Variants in NANOGNB observed in about 807,000 individuals in gnomAD.
NANOGNB encodes homeobox C14.
NANOGNB carries 30 observed loss-of-function variants against 25.0 expected under a neutral mutation model. The observed-to-expected ratio is 1.20, with a 90% CI of 0.90 to 1.63. The LOEUF is 1.63. NANOGNB is among the 40% of genes most tolerant of loss of function. The pLI is 0.00. For synonymous variants in NANOGNB, 84 were observed against 62.1 expected, an observed-to-expected ratio of 1.35 and a Z score of -1.66; for missense variants, 200 against 188.1, an observed-to-expected ratio of 1.06 and a Z score of -0.37.
chr12:7,773,929 C>G lies in NANOGNB; in HGVS notation c.*78C>G. ...ACTGGCTAAGACATTTTACATGACA[C>G]CATTCTCACCAATAAATGGAGTTCT... On this transcript the variant is annotated 3_prime_UTR_variant, in exon 4 of 4. Transcript: ENST00000382119. 1.8e-6 allele frequency: 1 copy of G among 550,528 alleles called. No homozygotes were observed. The highest frequency in any genetic ancestry group is 2.4e-5 in the South Asian group (1 of 41,578). 34.1% of individuals were successfully genotyped at this position (550,528 alleles called of 1,614,324 possible).
chr12:7,772,233 A>G (rs1412439509), intron 3 of NANOGNB, among the ~76,000 whole-genome samples: 1 of 152,174 alleles, frequency 6.6e-6, no homozygotes, highest in East Asian at 1.9e-4. Flanking sequence ...TGGGCTTGCC[A>G]CAGGGAAAGA....
At position 7,770,460 on chromosome 12, in the gene NANOGNB, A is replaced by C. The variant is rs968445530; in HGVS notation, c.457A>C (p.Thr153Pro). ...HKQISQWFCK[T>P]RKKYNKEMSK... is the part of the protein sequence containing the mutation. ...GTAGATAAGTCAATGGTTTTGTAAAACGAGGAAGAAATATAATAAAGAAAT... is the reference window on the plus strand; with the variant it reads ...GTAGATAAGTCAATGGTTTTGTAAACCGAGGAAGAAATATAATAAAGAAAT... The change falls in exon 3 of 4, where the codon ACG becomes CCG. Residue 153 changes from threonine (T) to proline (P), a missense_variant. Thr to Pro is a conservative substitution (Grantham distance 38). Coordinates refer to ENST00000382119, the MANE Select transcript of NANOGNB (RefSeq NM_001145465.1). 23 of 1,535,320 alleles carry C rather than the reference A, an allele frequency of 1.5e-5. No homozygotes were observed. Among genetic ancestry groups the C allele is most frequent in the Non-Finnish European group, 1.7e-5 (19 of 1,133,996 alleles).
intron 1 of NANOGNB, among the ~76,000 whole-genome samples, chr12:7,769,716 C>T (rs1482148920): frequency 4.0e-5 from 6 of 151,804 alleles, no homozygotes; most frequent in African/African-American, 1.2e-4. Context: ...TTAGTAGAGA[C>T]GGGGTTTCAC....
chr12:7,772,002 C>G (rs1048351960), intron 3 of NANOGNB, among the ~76,000 whole-genome samples: 4 of 152,218 alleles, frequency 2.6e-5, no homozygotes, highest in African/African-American at 7.2e-5. Context: ...TTACCAACAC[C>G]GAGGGAATGA....
chr12:7,770,116 A>G lies in NANOGNB; in HGVS notation c.236A>G (p.Glu79Gly), dbSNP rs1865278600. The G allele has an allele frequency of 5.8e-6, 9 of 1,543,826 alleles. No individual in the cohort carries two copies. Among genetic ancestry groups the G allele is most frequent in the Middle Eastern group, 1.7e-4 (1 of 5,872 alleles). ...AGAAAGAGAGAACGAGAAAAAGAAG[A>G]AAAAAACGAAAAGGAGCTGCAAGAT... Reference protein sequence around the residue: ...AGRKREREKEEKNEKELQDEQ... With the variant: ...AGRKREREKEGKNEKELQDEQ... Residue 79 changes from glutamate (E) to glycine (G), a missense_variant, in exon 2 of 4, where the codon GAA (glutamate) becomes GGA (glycine). Physicochemically the swap from Glu to Gly is moderately conservative, Grantham distance 98. Coordinates refer to ENST00000382119, the MANE Select transcript of NANOGNB (RefSeq NM_001145465.1).
At chr12:7,772,909 C>T (rs1396939031) in intron 3 of NANOGNB, among the ~76,000 whole-genome samples, 1 of 151,966 alleles carries the variant, frequency 6.6e-6, no homozygotes, top group East Asian at 1.9e-4. Context: ...AGGAAGTATT[C>T]CAGGCCCAGG....
intron 3 of NANOGNB, among the ~76,000 whole-genome samples, chr12:7,772,189 A>G (rs1862574218): frequency 1.3e-5 from 2 of 152,222 alleles, no homozygotes; most frequent in African/African-American, 4.8e-5. Flanking sequence ...CAGCCAGTGC[A>G]GGGAAATTGG....
intron 1 of NANOGNB, chr12:7,765,984 T>C (rs1156771919): frequency 5.1e-6 from 2 of 395,228 alleles, no homozygotes; most frequent in Non-Finnish European, 8.9e-6. Flanking sequence ...GGATTTAACC[T>C]TGAGTGTGAT....
chr12:7,766,263 G>C lies in NANOGNB; in HGVS notation c.102+876G>C, dbSNP rs1042399212. The C allele has an allele frequency of 1.0e-5, 4 of 397,570 alleles. No homozygotes were observed. The East Asian group carries it at 1.1e-4, about 11-fold the overall frequency. The allele number at this position is 397,570 out of a possible 1,614,324, so 24.6% of individuals were successfully genotyped here. A position where few individuals can be genotyped will look rare whatever the true frequency, so the allele number is the denominator to read the frequency against. ...AGCGGGGCAGATCGCTTGAGCTCAGGAGTTGAAGACCATCCTGGCCAAGAT... is the reference window on the plus strand; with the variant it reads ...AGCGGGGCAGATCGCTTGAGCTCAGCAGTTGAAGACCATCCTGGCCAAGAT... On this transcript the variant is annotated intron_variant, in intron 1 of 3. Transcript: ENST00000382119.
Position 7,766,012 on chromosome 12 carries a change from A to G in NANOGNB, c.102+625A>G, listed in dbSNP as rs112722292. The G allele has an allele frequency of 1.3e-3, 498 of 397,138 alleles. 2 individuals carry two copies. The highest frequency in any genetic ancestry group is 8.7e-3 in the African/African-American group (426 of 48,726). The allele number at this position is 397,138 out of a possible 1,614,324, so 24.6% of individuals were successfully genotyped here. A position where few individuals can be genotyped will look rare whatever the true frequency, so the allele number is the denominator to read the frequency against. ...AGTGTGATTGAAAAAGCACAGGGACAGAAATCAGTAGGGGAAAGAGGAGCA... is the reference window on the plus strand; with the variant it reads ...AGTGTGATTGAAAAAGCACAGGGACGGAAATCAGTAGGGGAAAGAGGAGCA... On this transcript the variant is annotated intron_variant, in intron 1 of 3. Transcript: ENST00000382119.
intron 3 of NANOGNB, among the ~76,000 whole-genome samples, chr12:7,770,731 G>A (rs1330937536): frequency 1.3e-5 from 2 of 152,106 alleles, no homozygotes; most frequent in Admixed American, 6.6e-5. Context: ...TCCTGCCTCA[G>A]CCTCCCAAGT....
At position 7,773,832 on chromosome 12, in the gene NANOGNB, G is replaced by A. The variant is rs538087276; in HGVS notation, c.548G>A (p.Arg183Gln). The A allele has an allele frequency of 1.1e-4, 70 of 612,458 alleles. No homozygotes were observed. The highest frequency in any genetic ancestry group is 1.7e-4 in the Non-Finnish European group (60 of 350,862). 37.9% of individuals were successfully genotyped at this position (612,458 alleles called of 1,614,324 possible). ...TCTCTGTGTTGCCAAGGCTGGTCTC[G>A]AACTCCTGCCCTCAAGTGATCTTCC... ...WRSLCCQGWS[R>Q]TPALK Residue 183 changes from arginine to glutamine, a missense_variant, in exon 4 of 4, where the codon CGA (arginine) becomes CAA (glutamine). Physicochemically the swap from Arg to Gln is conservative, Grantham distance 43 (BLOSUM62 1). Transcript: ENST00000382119.
chr12:7,768,314 T>C (rs918302619), intron 1 of NANOGNB, among the ~76,000 whole-genome samples: 3 of 152,156 alleles, frequency 2.0e-5, no homozygotes, highest in Non-Finnish European at 4.4e-5. Context: ...ATCGTTTTAC[T>C]GTGTTGCTGG....
rs1431929620 is a variant in NANOGNB, at chr12:7,769,991, A to T, written c.111A>T (p.Ser37=). ...CGGATCTTTTTATACAGAAACAATC[A>T]GCTATGCCTTGGGATCAAGATCCAG... ...IETILANKKQ[S]AMPWDQDPEQ... is the part of the protein sequence containing the mutation. The change falls in exon 2 of 4, where the codon TCA becomes TCT. Residue 37 remains serine (S), a synonymous_variant. Transcript: ENST00000382119. The T allele has an allele frequency of 6.6e-7, 1 of 1,505,008 alleles. No individual in the cohort carries two copies. The highest frequency in any genetic ancestry group is 1.4e-5 in the African/African-American group (1 of 70,442). 93.2% of individuals were successfully genotyped at this position (1,505,008 alleles called of 1,614,324 possible). A position where few individuals can be genotyped will look rare whatever the true frequency, so the allele number is the denominator to read the frequency against.
Position 7,774,052 on chromosome 12 carries a change from C to G in NANOGNB, c.*201C>G. ...AGTTTTTATGTGTTTTATTTTTACCCTACTGTAGATTTAAAGTTTTTATAA... is the reference window on the plus strand; with the variant it reads ...AGTTTTTATGTGTTTTATTTTTACCGTACTGTAGATTTAAAGTTTTTATAA... On this transcript the variant is annotated 3_prime_UTR_variant, in exon 4 of 4. Coordinates refer to ENST00000382119, the MANE Select transcript of NANOGNB (RefSeq NM_001145465.1). The G allele has an allele frequency of 2.6e-6, 1 of 389,324 alleles. No individual in the cohort carries two copies. Among genetic ancestry groups the G allele is most frequent in the Non-Finnish European group, 4.5e-6 (1 of 221,662 alleles). The allele number at this position is 389,324 out of a possible 1,614,324, so 24.1% of individuals were successfully genotyped here.
intron 3 of NANOGNB, among the ~76,000 whole-genome samples, 195 bp downstream of exon 3, chr12:7,770,713 A>T (rs1865285651): frequency 6.6e-6 from 1 of 151,936 alleles, no homozygotes; most frequent in African/African-American, 2.4e-5. Flanking sequence ...CCCAGGTTCA[A>T]GCCATTCTCC....
intron 3 of NANOGNB, 22 bp from the exon 4 acceptor site, chr12:7,773,778 T>A: frequency 1.6e-6 from 1 of 632,702 alleles, no homozygotes; most frequent in African/African-American, 2.1e-5. Context: ...AAACTCTTTT[T>A]TTTTTTTTTT....
chr12:7,772,145 A>G (rs1220441178), intron 3 of NANOGNB, among the ~76,000 whole-genome samples: 1 of 152,190 alleles, frequency 6.6e-6, no homozygotes, highest in Non-Finnish European at 1.5e-5. Context: ...GGGTGGAGCA[A>G]TGCTTTACTT....
intron 3 of NANOGNB, 111 bp from the exon 4 acceptor site, chr12:7,773,689 C>A: frequency 2.2e-6 from 1 of 455,558 alleles, no homozygotes; most frequent in South Asian, 3.9e-5. Context: ...TGTGCCATTG[C>A]ACTCCAGCTT....
Sources: gnomAD v4.1 joint callset for allele counts (sites outside exome capture counted in the v4.1 genomes callset) on GRCh38, gnomAD v4.1.1 for gene constraint, MANE v1.5 for transcripts, NCBI Gene and HGNC (gene_info 2026-07-23, HGNC 2026-07-21) for gene names.